MAF: variants seen among roughly 807,000 people sequenced by gnomAD.
MAF encodes the protein transcription factor Maf.
MAF carries 10 observed loss-of-function variants against 22.0 expected under a neutral mutation model. That is an observed-to-expected ratio of 0.45 (90% CI 0.28 to 0.77). The LOEUF is 0.77. MAF is among the 30% of genes least tolerant of loss of function. MAF has a pLI of 0.12. For synonymous variants in MAF, 337 were observed against 255.8 expected (o/e 1.32, Z -3.03); for missense variants, 544 against 548.4 (o/e 0.99, Z 0.08).
the MAF span, among the ~76,000 whole-genome samples, chr16:79,317,690 T>A: frequency 6.6e-6 from 1 of 152,134 alleles, no homozygotes; most frequent in Non-Finnish European, 1.5e-5. Flanking sequence ...TGGAGGCAGA[T>A]GCTTTGTTTT....
At chr16:79,296,891 A>T in the MAF span, among the ~76,000 whole-genome samples, 13 of 152,140 alleles carry the variant, frequency 8.5e-5, no homozygotes, top group African/African-American at 3.1e-4. Context: ...TTTGCTCTCA[A>T]TGCCCTGGTG....
At chr16:79,431,172 A>G in the MAF span, among the ~76,000 whole-genome samples, 2 of 152,162 alleles carry the variant, frequency 1.3e-5, no homozygotes, top group African/African-American at 4.8e-5. Context: ...CCCATCCCTC[A>G]ACCAAGCATT....
At chr16:79,225,085 A>G in the MAF span, among the ~76,000 whole-genome samples, 1 of 152,234 alleles carries the variant, frequency 6.6e-6, no homozygotes, top group Non-Finnish European at 1.5e-5. Context: ...GCAAAGCTGG[A>G]GGCATCATGC....
At chr16:79,512,234 A>G in the MAF span, among the ~76,000 whole-genome samples, 1 of 152,228 alleles carries the variant, frequency 6.6e-6, no homozygotes, top group African/African-American at 2.4e-5. Context: ...CACCTTCAGT[A>G]CAGGTGGGCC....
chr16:79,566,265 T>A, the MAF span, among the ~76,000 whole-genome samples: 1 of 152,284 alleles, frequency 6.6e-6, no homozygotes, highest in South Asian at 2.1e-4. Context: ...TAGGACACAG[T>A]TTCATCTTTG....
the MAF span, among the ~76,000 whole-genome samples, chr16:79,243,621 G>T: frequency 6.6e-6 from 1 of 151,920 alleles, no homozygotes; most frequent in African/African-American, 2.4e-5. Context: ...ATTCAAAGCC[G>T]AATTCTACCA....
chr16:79,385,052 G>A, the MAF span, among the ~76,000 whole-genome samples: 1 of 152,206 alleles, frequency 6.6e-6, no homozygotes, highest in East Asian at 1.9e-4. Flanking sequence ...TATAGCCATA[G>A]GTTGGAGAAT....
the MAF span, among the ~76,000 whole-genome samples, chr16:79,220,014 G>T: frequency 2.4e-4 from 36 of 152,094 alleles, no homozygotes; most frequent in African/African-American, 8.0e-4. Flanking sequence ...AAAATTCTTT[G>T]GGATGCCAAG....
chr16:79,573,647 C>T, the MAF span, among the ~76,000 whole-genome samples: 1 of 152,106 alleles, frequency 6.6e-6, no homozygotes, highest in Admixed American at 6.6e-5. Context: ...GATATTTGTT[C>T]AATGAAATCT....
chr16:79,498,759 A>C, the MAF span, among the ~76,000 whole-genome samples: 5 of 152,208 alleles, frequency 3.3e-5, no homozygotes, highest in Admixed American at 6.5e-5. Context: ...CCTCTATACT[A>C]TCCTAGCCCA....
At chr16:79,317,919 CACTCACT>C in the MAF span, among the ~76,000 whole-genome samples, 1 of 31,080 alleles carries the variant, frequency 3.2e-5, no homozygotes, top group Non-Finnish European at 1.1e-4. Flanking sequence ...TTCATTCACT[CACTCACT>C]CACTCACTCA....
At chr16:79,227,816 A>T in the MAF span, among the ~76,000 whole-genome samples, 5 of 152,126 alleles carry the variant, frequency 3.3e-5, no homozygotes, top group Non-Finnish European at 7.4e-5. Flanking sequence ...TAGACTTAAA[A>T]AATATCAGCA....
At chr16:79,510,063 ACT>A in the MAF span, among the ~76,000 whole-genome samples, 4 of 152,182 alleles carry the variant, frequency 2.6e-5, no homozygotes, top group South Asian at 2.1e-4. Context: ...TTTGTAAGAA[ACT>A]CTGCCATTTA....
At chr16:79,360,027 G>C in the MAF span, among the ~76,000 whole-genome samples, 3 of 152,170 alleles carry the variant, frequency 2.0e-5, no homozygotes, top group Admixed American at 6.6e-5. Context: ...GGAGCAATTG[G>C]GGAAGAGGGT....
the MAF span, among the ~76,000 whole-genome samples, chr16:79,455,090 C>G: frequency 6.6e-6 from 1 of 150,522 alleles, no homozygotes; most frequent in Admixed American, 6.6e-5. Flanking sequence ...GAGCGAAACT[C>G]CGTCTTAAAA....
the MAF span, among the ~76,000 whole-genome samples, chr16:79,519,701 G>A: frequency 6.6e-6 from 1 of 152,220 alleles, no homozygotes; most frequent in African/African-American, 2.4e-5. Flanking sequence ...CCTGCCTGTG[G>A]TTTTCACTGC....
chr16:79,260,487 A>C, the MAF span, among the ~76,000 whole-genome samples: 3 of 150,434 alleles, frequency 2.0e-5, no homozygotes, highest in East Asian at 3.9e-4. Flanking sequence ...ATCTATATCT[A>C]TATCTATATC....
the MAF span, among the ~76,000 whole-genome samples, chr16:79,495,105 T>A: frequency 6.6e-6 from 1 of 151,896 alleles, no homozygotes; most frequent in Non-Finnish European, 1.5e-5. Flanking sequence ...TAGTTTACAG[T>A]TTTTACAGAG....
At chr16:79,514,228 C>T in the MAF span, among the ~76,000 whole-genome samples, 4 of 152,216 alleles carry the variant, frequency 2.6e-5, no homozygotes, top group South Asian at 6.2e-4. Context: ...ATAGTGGAGT[C>T]GCTGGGAAGG....
Sources: allele counts gnomAD v4.1 joint callset (sites outside exome capture counted in the v4.1 genomes callset), GRCh38; gene constraint gnomAD v4.1.1; transcripts MANE v1.5; gene names NCBI Gene and HGNC (gene_info 2026-07-23, HGNC 2026-07-21).